CPQ: variants seen among roughly 807,000 people sequenced by gnomAD.
The protein encoded by CPQ is Ser-Met dipeptidase.
Under a neutral mutation model 45.7 loss-of-function variants are expected in CPQ, and 37 were observed. The observed-to-expected ratio is 0.81, with a 90% CI of 0.62 to 1.07. The LOEUF (loss-of-function observed/expected upper bound fraction) is 1.07, where lower values mean the gene tolerates loss of function less well. Ranked by LOEUF, CPQ falls within the 50% of genes least tolerant of loss-of-function variation. CPQ has a pLI of 0.00. For synonymous variants in CPQ, 186 were observed against 205.8 expected (o/e 0.90, Z 0.82); for missense variants, 537 against 572.9 (o/e 0.94, Z 0.64).
chr8:97,001,717 C>CTTTTTTT (rs1170870469), intron 5 of CPQ, among the ~76,000 whole-genome samples: 1 of 102,352 alleles, frequency 9.8e-6, no homozygotes, highest in African/African-American at 3.8e-5. Context: ...TTCTTTCTTT[C>CTTTTTTT]TTTCTTTTTT....
chr8:96,691,048 A>C (rs1459729937), intron 1 of CPQ, among the ~76,000 whole-genome samples: 10 of 145,518 alleles, frequency 6.9e-5, no homozygotes, highest in Non-Finnish European at 1.3e-4. Flanking sequence ...TTAGTTTCCT[A>C]GGGCTGCTTT....
At chr8:97,123,210 AT>A (rs1811783807) in intron 7 of CPQ, among the ~76,000 whole-genome samples, 4 of 98,630 alleles carry the variant, frequency 4.1e-5, no homozygotes, top group East Asian at 8.7e-4. Context: ...AAAATAAAAA[AT>A]AAAATAAAAT....
intron 1 of CPQ, among the ~76,000 whole-genome samples, chr8:96,763,302 C>T (rs934684594): frequency 3.3e-5 from 5 of 151,962 alleles, no homozygotes; most frequent in African/African-American, 1.2e-4. Flanking sequence ...GTTTTTTTCC[C>T]ATATGGATAT....
At chr8:96,783,854 A>G (rs1810722576) in intron 1 of CPQ, among the ~76,000 whole-genome samples, 1 of 152,154 alleles carries the variant, frequency 6.6e-6, no homozygotes, top group Non-Finnish European at 1.5e-5. Context: ...TGATTACTAT[A>G]TTGGACAGCA....
chr8:96,664,186 A>G (rs943146938), intron 1 of CPQ, among the ~76,000 whole-genome samples: 20 of 152,224 alleles, frequency 1.3e-4, no homozygotes, highest in Non-Finnish European at 2.4e-4. Context: ...TATTTGGTAA[A>G]GAGAAGGAGC....
chr8:96,742,260 G>A (rs1810103312), intron 1 of CPQ, among the ~76,000 whole-genome samples: 4 of 152,014 alleles, frequency 2.6e-5, no homozygotes, highest in Admixed American at 2.0e-4. Context: ...GATCTTTGTT[G>A]GTTTAAAGTC....
intron 4 of CPQ, among the ~76,000 whole-genome samples, chr8:96,881,210 TTTA>T (rs1812219258): frequency 6.6e-6 from 1 of 152,168 alleles, no homozygotes; most frequent in African/African-American, 2.4e-5. Context: ...GACTGGGTAA[TTTA>T]TAAGAAAAGA....
chr8:96,733,608 T>A (rs1030426139), intron 1 of CPQ, among the ~76,000 whole-genome samples: 1 of 152,198 alleles, frequency 6.6e-6, no homozygotes, highest in African/African-American at 2.4e-5. Flanking sequence ...TATTTTCCTA[T>A]AATCACATTA....
intron 7 of CPQ, among the ~76,000 whole-genome samples, chr8:97,122,189 C>G (rs1044327573): frequency 6.6e-6 from 1 of 151,938 alleles, no homozygotes; most frequent in Non-Finnish European, 1.5e-5. Context: ...ATCCAAGAAA[C>G]TCAATAAAAC....
At chr8:96,938,013 A>G (rs1813076860) in intron 4 of CPQ, among the ~76,000 whole-genome samples, 1 of 152,220 alleles carries the variant, frequency 6.6e-6, no homozygotes, top group Admixed American at 6.5e-5. Flanking sequence ...TTTGCCCAAA[A>G]AATTACATGA....
At chr8:96,989,521 G>A (rs981965331) in intron 5 of CPQ, among the ~76,000 whole-genome samples, 3 of 150,948 alleles carry the variant, frequency 2.0e-5, no homozygotes, top group Non-Finnish European at 4.4e-5. Context: ...GAGCGGAGAG[G>A]AGAGGAGAGA....
At chr8:96,919,395 T>A (rs1445540749) in intron 4 of CPQ, among the ~76,000 whole-genome samples, 2 of 152,124 alleles carry the variant, frequency 1.3e-5, no homozygotes, top group African/African-American at 4.8e-5. Flanking sequence ...AGGAATCATA[T>A]CTAACTAACT....
At chr8:96,867,024 A>G (rs1348531408) in intron 3 of CPQ, among the ~76,000 whole-genome samples, 1 of 152,084 alleles carries the variant, frequency 6.6e-6, no homozygotes, top group Non-Finnish European at 1.5e-5. Context: ...GAGCTGCCCA[A>G]CAGTCCCTAA....
chr8:97,040,525 C>T lies in CPQ; in HGVS notation c.1053+11031C>T, dbSNP rs570054948. On this transcript the variant is annotated intron_variant, in intron 6 of 7. Transcript: ENST00000220763. The stretch of plus-strand genomic sequence containing the variant: ...TGTCAATTTTGGCTTTTGTTGCCAT[C>T]GCTTTTGGTGTTTTAGACATGAAGG... Among the ~76,000 whole-genome samples the T allele has an allele frequency of 1.1e-3, 170 of 152,206 alleles. 1 individual carries two copies. Among genetic ancestry groups the T allele is most frequent in the African/African-American group, 3.2e-3 (134 of 41,542 alleles).
At chr8:97,039,693 C>T (rs1198233333) in intron 6 of CPQ, among the ~76,000 whole-genome samples, 1 of 150,526 alleles carries the variant, frequency 6.6e-6, no homozygotes, top group African/African-American at 2.4e-5. Flanking sequence ...TCCATGTGTT[C>T]TCATTGTTCA....
chr8:96,931,066 C>T (rs1396436083), intron 4 of CPQ, among the ~76,000 whole-genome samples: 1 of 152,180 alleles, frequency 6.6e-6, no homozygotes, highest in Non-Finnish European at 1.5e-5. Flanking sequence ...CATTGACCTT[C>T]CATCAAACAT....
At chr8:96,870,305 G>C (rs779462047) in intron 3 of CPQ, among the ~76,000 whole-genome samples, 29 of 151,944 alleles carry the variant, frequency 1.9e-4, no homozygotes, top group Admixed American at 3.3e-4. Flanking sequence ...CCCATTCAGG[G>C]ATCCTGTGTT....
intron 1 of CPQ, among the ~76,000 whole-genome samples, chr8:96,778,136 G>A (rs1414100807): frequency 6.6e-6 from 1 of 151,634 alleles, no homozygotes; most frequent in Non-Finnish European, 1.5e-5. Context: ...TTCTTGCTTA[G>A]AATTTATAAA....
chr8:96,938,285 A>G (rs1440314216), intron 4 of CPQ, among the ~76,000 whole-genome samples: 1 of 152,124 alleles, frequency 6.6e-6, no homozygotes, highest in African/African-American at 2.4e-5. Context: ...TAATTCCAGC[A>G]CTTTGGAAGG....
Sources: allele counts gnomAD v4.1 joint callset (sites outside exome capture counted in the v4.1 genomes callset), GRCh38; gene constraint gnomAD v4.1.1; transcripts MANE v1.5; gene names NCBI Gene and HGNC (gene_info 2026-07-23, HGNC 2026-07-21).